DDAH1: variants seen among roughly 807,000 people sequenced by gnomAD.
The protein encoded by DDAH1 is dimethylarginine dimethylaminohydrolase 1.
In DDAH1, 19 loss-of-function variants were observed where a neutral mutation model predicts 28.8. The observed-to-expected ratio is 0.66, with a 90% CI of 0.46 to 0.97. DDAH1 has a LOEUF of 0.97. Among genes scored for constraint, DDAH1 ranks in the 50% least tolerant of loss-of-function variants. DDAH1 has a pLI of 0.00. For synonymous variants in DDAH1, 153 were observed against 154.4 expected, an observed-to-expected ratio of 0.99 and a Z score of 0.07; for missense variants, 326 against 375.9, an observed-to-expected ratio of 0.87 and a Z score of 1.10.
At chr1:85,333,900 G>A (rs1647939266) in intron 4 of DDAH1, among the ~76,000 whole-genome samples, 1 of 152,188 alleles carries the variant, frequency 6.6e-6, no homozygotes, top group Non-Finnish European at 1.5e-5. Flanking sequence ...AACTCCCTAA[G>A]TCTAGCAAGA....
intron 1 of DDAH1, among the ~76,000 whole-genome samples, chr1:85,410,447 C>T (rs1652599282): frequency 6.6e-6 from 1 of 151,958 alleles, no homozygotes; most frequent in Admixed American, 6.6e-5. Context: ...TGAGACCAGC[C>T]TGACCAACAT....
chr1:85,350,881 TC>T (rs1436150761), intron 3 of DDAH1, among the ~76,000 whole-genome samples: 3 of 152,066 alleles, frequency 2.0e-5, no homozygotes, highest in Non-Finnish European at 4.4e-5. Context: ...TTATATCCCT[TC>T]CTATGCAGTG....
intron 1 of DDAH1, among the ~76,000 whole-genome samples, chr1:85,445,754 G>A (rs1453326431): frequency 2.6e-5 from 4 of 152,102 alleles, no homozygotes; most frequent in African/African-American, 7.2e-5. Context: ...CCATAAGTGT[G>A]TACCACAATT....
At chr1:85,495,473 A>G (rs1398220948) in intron 2 of DDAH1, 3 of 152,222 alleles carry the variant, frequency 2.0e-5, no homozygotes, top group Non-Finnish European at 1.5e-5. Context: ...AATTCTGTAA[A>G]CAGGCTTGGG....
chr1:85,328,029 T>C (rs1217229755), intron 4 of DDAH1, among the ~76,000 whole-genome samples: 1 of 152,192 alleles, frequency 6.6e-6, no homozygotes, highest in East Asian at 1.9e-4. Flanking sequence ...AACAATTGAA[T>C]TCCCTCAGAG....
At chr1:85,492,268 G>C (rs1309625817) in intron 2 of DDAH1, among the ~76,000 whole-genome samples, 2 of 152,016 alleles carry the variant, frequency 1.3e-5, no homozygotes, top group Non-Finnish European at 2.9e-5. Flanking sequence ...AATAGAAAAT[G>C]TTCAGAAATC....
chr1:85,449,031 G>C (rs1463098647), intron 1 of DDAH1, among the ~76,000 whole-genome samples: 7 of 152,186 alleles, frequency 4.6e-5, no homozygotes, highest in Admixed American at 4.6e-4. Flanking sequence ...TTCCTAAGAG[G>C]CTAAATCTAG....
At chr1:85,572,781 C>T (rs956981869) in intron 1 of DDAH1, among the ~76,000 whole-genome samples, 1 of 152,218 alleles carries the variant, frequency 6.6e-6, no homozygotes, top group African/African-American at 2.4e-5. Context: ...GATGAGGAAA[C>T]CAAAGCAAAA....
At chr1:85,416,151 GAA>G (rs1313558715) in intron 1 of DDAH1, among the ~76,000 whole-genome samples, 1 of 152,078 alleles carries the variant, frequency 6.6e-6, no homozygotes, top group Non-Finnish European at 1.5e-5. Context: ...TATGAAAAAA[GAA>G]TATAAATTTT....
intron 1 of DDAH1, among the ~76,000 whole-genome samples, chr1:85,512,209 A>C (rs1167128815): frequency 6.6e-6 from 1 of 152,214 alleles, no homozygotes. Flanking sequence ...GCAAATCAAT[A>C]AACATAATCC....
intron 1 of DDAH1, among the ~76,000 whole-genome samples, chr1:85,510,782 T>C (rs995522343): frequency 1.3e-5 from 2 of 152,190 alleles, no homozygotes; most frequent in African/African-American, 4.8e-5. Context: ...AAGGGATCAA[T>C]TCCACAAGAA....
At chr1:85,400,194 T>TC (rs1557582306) in intron 1 of DDAH1, among the ~76,000 whole-genome samples, 2 of 102,242 alleles carry the variant, frequency 2.0e-5, no homozygotes, top group Non-Finnish European at 4.0e-5. Context: ...TTTTTTTTTT[T>TC]TTTTTTTTTT....
At chr1:85,330,042 G>A (rs1355723802) in intron 4 of DDAH1, among the ~76,000 whole-genome samples, 2 of 152,170 alleles carry the variant, frequency 1.3e-5, no homozygotes, top group East Asian at 3.8e-4. Flanking sequence ...CCTTTCTCTT[G>A]TATGTTGTTA....
At chr1:85,418,791 A>G (rs1404605019) in intron 1 of DDAH1, among the ~76,000 whole-genome samples, 2 of 152,196 alleles carry the variant, frequency 1.3e-5, no homozygotes. Flanking sequence ...CTGGTGCAAC[A>G]GGAACACTAT....
At chr1:85,475,141 A>G (rs2100708286) in intron 2 of DDAH1, among the ~76,000 whole-genome samples, 1 of 152,282 alleles carries the variant, frequency 6.6e-6, no homozygotes, top group Non-Finnish European at 1.5e-5. Context: ...ACTACTTACT[A>G]TCTGTACAAT....
At chr1:85,529,751 C>A (rs576681013) in intron 1 of DDAH1, among the ~76,000 whole-genome samples, 2 of 148,224 alleles carry the variant, frequency 1.3e-5, no homozygotes, top group East Asian at 3.9e-4. Flanking sequence ...TGCGTCCCTA[C>A]CCTAACACAG....
intron 2 of DDAH1, among the ~76,000 whole-genome samples, chr1:85,486,554 T>G (rs1423208181): frequency 6.6e-6 from 1 of 152,208 alleles, no homozygotes; most frequent in Non-Finnish European, 1.5e-5. Flanking sequence ...TCAGCTAGAC[T>G]ACATATTTAT....
At chr1:85,347,764 TA>T (rs1648961225) in intron 4 of DDAH1, among the ~76,000 whole-genome samples, 1 of 130,384 alleles carries the variant, frequency 7.7e-6, no homozygotes, top group African/African-American at 2.7e-5. Flanking sequence ...TAAAGTATAA[TA>T]AAAAAAGAAA....
intron 1 of DDAH1, among the ~76,000 whole-genome samples, chr1:85,400,192 T>TC (rs1557582291): frequency 1.8e-4 from 17 of 95,210 alleles, no homozygotes; most frequent in African/African-American, 3.5e-4. Flanking sequence ...TTTTTTTTTT[T>TC]TTTTTTTTTT....
Sources: gnomAD v4.1 joint callset for allele counts (sites outside exome capture counted in the v4.1 genomes callset) on GRCh38, gnomAD v4.1.1 for gene constraint, MANE v1.5 for transcripts, NCBI Gene and HGNC (gene_info 2026-07-23, HGNC 2026-07-21) for gene names.